Variants in KRTAP22-2 observed in about 807,000 individuals in gnomAD.
The protein encoded by KRTAP22-2 is keratin associated protein 22-2, also known as keratin-associated protein 22-2.
For synonymous variants in KRTAP22-2, 19 were observed against 21.1 expected, an observed-to-expected ratio of 0.90 and a Z score of 0.28; for missense variants, 52 against 51.2, an observed-to-expected ratio of 1.02 and a Z score of -0.05.
Position 30,590,374 on chromosome 21 carries a change from TG to T in KRTAP22-2, c.-1del, listed in dbSNP as rs1979997951. The stretch of plus-strand genomic sequence containing the variant: ...CCATAATAGTTGTGGTAGTAGCACA[TG>T]GTGTCAGAAGATGGAGTTCAATTGA... On this transcript the variant is annotated 5_prime_UTR_variant, in exon 1 of 1. Coordinates refer to ENST00000382830, the MANE Select transcript of KRTAP22-2 (RefSeq NM_001164434.1). 1 of 1,550,814 alleles carries T rather than the reference TG, an allele frequency of 6.4e-7. No individual in the cohort carries two copies. The highest frequency in any genetic ancestry group is 2.0e-5 in the Admixed American group (1 of 50,966).
chr21:30,590,248 T>C lies in KRTAP22-2; in HGVS notation c.127A>G (p.Lys43Glu). 1 of 1,551,156 alleles carries C rather than the reference T, an allele frequency of 6.4e-7. No individual in the cohort carries two copies. The change falls in exon 1 of 1, where the codon AAG becomes GAG. Residue 43 changes from lysine to glutamate, a missense_variant. Physicochemically the swap from Lys to Glu is moderately conservative, Grantham distance 56 (BLOSUM62 1). Transcript: ENST00000382830. ...SYGRFLLAPR[K>E]KF ...AAAGTGATCAGCAATCAGAATTTCTTTCTAGGAGCCAATAGGAATCTTCCA... is the reference window on the plus strand; with the variant it reads ...AAAGTGATCAGCAATCAGAATTTCTCTCTAGGAGCCAATAGGAATCTTCCA...
chr21:30,590,242 A>G lies in KRTAP22-2; in HGVS notation c.133T>C (p.Phe45Leu). The change falls in exon 1 of 1, where the codon TTC (phenylalanine) becomes CTC (leucine). Residue 45 changes from phenylalanine (F) to leucine (L), a missense_variant. By Grantham distance (22) the Phe-to-Leu change is conservative (BLOSUM62 0). Transcript: ENST00000382830. ...TGGCTCAAAGTGATCAGCAATCAGA[A>G]TTTCTTTCTAGGAGCCAATAGGAAT... ...GRFLLAPRKK[F>L] The G allele has an allele frequency of 6.4e-7, 1 of 1,551,082 alleles. No homozygotes were observed. Among genetic ancestry groups the G allele is most frequent in the Non-Finnish European group, 8.7e-7 (1 of 1,146,540 alleles).
At position 30,590,180 on chromosome 21, in the gene KRTAP22-2, A is replaced by G. The variant is rs1420606281; in HGVS notation, c.*57T>C. The G allele has an allele frequency of 6.7e-7, 1 of 1,491,846 alleles. No individual in the cohort carries two copies. Among genetic ancestry groups the G allele is most frequent in the Non-Finnish European group, 9.1e-7 (1 of 1,098,474 alleles). 92.4% of individuals were successfully genotyped at this position (1,491,846 alleles called of 1,614,324 possible). A position where few individuals can be genotyped will look rare whatever the true frequency, so the allele number is the denominator to read the frequency against. ...TGGAGAGACAATAACGAATCCATAA[A>G]TAACCCTGTTGATGCAATTAGTGCA... On this transcript the variant is annotated 3_prime_UTR_variant, in exon 1 of 1. Coordinates refer to ENST00000382830, the MANE Select transcript of KRTAP22-2 (RefSeq NM_001164434.1).
Position 30,590,109 on chromosome 21 carries a change from A to G in KRTAP22-2, c.*128T>C. The G allele has an allele frequency of 5.0e-6, 4 of 800,494 alleles. No individual in the cohort carries two copies. Among genetic ancestry groups the G allele is most frequent in the Non-Finnish European group, 7.5e-6 (4 of 533,682 alleles). 49.6% of individuals were successfully genotyped at this position (800,494 alleles called of 1,614,324 possible). On this transcript the variant is annotated 3_prime_UTR_variant, in exon 1 of 1. Transcript: ENST00000382830. ...ACTGGTAGGAAATTCCACTAATCCA[A>G]TGCAAATATGACCTGTGGTAATCAA... is the stretch of plus-strand genomic sequence containing the variant.
At position 30,590,122 on chromosome 21, in the gene KRTAP22-2, C is replaced by T. The variant is rs1055813834; in HGVS notation, c.*115G>A. ...TCCACTAATCCAATGCAAATATGACCTGTGGTAATCAATAATTAGAGTTAG... is the reference window on the plus strand; with the variant it reads ...TCCACTAATCCAATGCAAATATGACTTGTGGTAATCAATAATTAGAGTTAG... On this transcript the variant is annotated 3_prime_UTR_variant, in exon 1 of 1. Coordinates refer to ENST00000382830, the MANE Select transcript of KRTAP22-2 (RefSeq NM_001164434.1). 3 of 913,728 alleles carry T rather than the reference C, an allele frequency of 3.3e-6. No individual in the cohort carries two copies. In the Admixed American group the frequency reaches 7.8e-5, roughly 24 times the overall value. The allele number at this position is 913,728 out of a possible 1,614,324, so 56.6% of individuals were successfully genotyped here.
Position 30,590,170 on chromosome 21 carries a change from G to T in KRTAP22-2, c.*67C>A. The T allele has an allele frequency of 1.4e-6, 2 of 1,406,944 alleles. No homozygotes were observed. Among genetic ancestry groups the T allele is most frequent in the Non-Finnish European group, 1.9e-6 (2 of 1,027,080 alleles). The allele number at this position is 1,406,944 out of a possible 1,614,324, so 87.2% of individuals were successfully genotyped here. On this transcript the variant is annotated 3_prime_UTR_variant, in exon 1 of 1. Transcript: ENST00000382830. ...TAGTTAAAATTGGAGAGACAATAAC[G>T]AATCCATAAATAACCCTGTTGATGC...
chr21:30,590,327 G>A lies in KRTAP22-2; in HGVS notation c.48C>T (p.Ser16=). The A allele has an allele frequency of 3.2e-6, 5 of 1,551,214 alleles. No individual in the cohort carries two copies. The highest frequency in any genetic ancestry group is 4.4e-6 in the Non-Finnish European group (5 of 1,146,602). Residue 16 remains serine (S), a synonymous_variant, in exon 1 of 1, where the codon AGC becomes AGT. Coordinates refer to ENST00000382830, the MANE Select transcript of KRTAP22-2 (RefSeq NM_001164434.1). ...CAGAGTTACCATATTCAGAGCCATAGCTGCAACCATAGTCCAGGCTACCAT... is the reference window on the plus strand; with the variant it reads ...CAGAGTTACCATATTCAGAGCCATAACTGCAACCATAGTCCAGGCTACCAT... ...NYYGSLDYGC[S]YGSEYGNSGY... is the part of the protein sequence containing the mutation.
At position 30,590,187 on chromosome 21, in the gene KRTAP22-2, T is replaced by G. The variant is rs757402163; in HGVS notation, c.*50A>C. ...ACAATAACGAATCCATAAATAACCCTGTTGATGCAATTAGTGCATCACAAG... is the reference window on the plus strand; with the variant it reads ...ACAATAACGAATCCATAAATAACCCGGTTGATGCAATTAGTGCATCACAAG... On this transcript the variant is annotated 3_prime_UTR_variant, in exon 1 of 1. Transcript: ENST00000382830. 4.6e-6 allele frequency: 7 copies of G among 1,518,300 alleles called. No individual in the cohort carries two copies. Among genetic ancestry groups the G allele is most frequent in the Middle Eastern group, 3.4e-4 (2 of 5,900 alleles). The allele number at this position is 1,518,300 out of a possible 1,614,324, so 94.1% of individuals were successfully genotyped here. A position where few individuals can be genotyped will look rare whatever the true frequency, so the allele number is the denominator to read the frequency against.
chr21:30,590,298 T>C lies in KRTAP22-2; in HGVS notation c.77A>G (p.Tyr26Cys), dbSNP rs900128412. The change falls in exon 1 of 1, where the codon TAT becomes TGT. Residue 26 changes from tyrosine (Y) to cysteine (C), a missense_variant. Tyr to Cys is a radical substitution (Grantham distance 194). Transcript: ENST00000382830. The stretch of plus-strand genomic sequence containing the variant: ...ATAGGAGCACGGAAAGTTGCAGGCA[T>C]ATCCAGAGTTACCATATTCAGAGCC... ...SYGSEYGNSG[Y>C]ACNFPCSYGR... is the part of the protein sequence containing the mutation. 5 of 1,551,184 alleles carry C rather than the reference T, an allele frequency of 3.2e-6. No individual in the cohort carries two copies. The highest frequency in any genetic ancestry group is 4.4e-6 in the Non-Finnish European group (5 of 1,146,592).
At position 30,590,201 on chromosome 21, in the gene KRTAP22-2, G is replaced by A. The variant is rs1433903308; in HGVS notation, c.*36C>T. On this transcript the variant is annotated 3_prime_UTR_variant, in exon 1 of 1. Transcript: ENST00000382830. ...ATAAATAACCCTGTTGATGCAATTA[G>A]TGCATCACAAGAAAATGGCTCAAAG... 6.5e-7 allele frequency: 1 copy of A among 1,535,470 alleles called. No individual in the cohort carries two copies. Among genetic ancestry groups the A allele is most frequent in the East Asian group, 2.5e-5 (1 of 40,752 alleles).
rs779850025 is a variant in KRTAP22-2 at position 30,590,256 on chromosome 21, G to T, written c.119C>A (p.Ala40Asp). ...FPCSYGRFLL[A>D]PRKKF ...CAGCAATCAGAATTTCTTTCTAGGAGCCAATAGGAATCTTCCATAGGAGCA... is the reference window on the plus strand; with the variant it reads ...CAGCAATCAGAATTTCTTTCTAGGATCCAATAGGAATCTTCCATAGGAGCA... Residue 40 changes from alanine (A) to aspartate (D), a missense_variant, in exon 1 of 1, where the codon GCT becomes GAT. Coordinates refer to ENST00000382830, the MANE Select transcript of KRTAP22-2 (RefSeq NM_001164434.1). The T allele has an allele frequency of 1.0e-5, 16 of 1,551,040 alleles. No individual in the cohort carries two copies. Among genetic ancestry groups the T allele is most frequent in the African/African-American group, 9.6e-5 (7 of 73,002 alleles).
Position 30,590,179 on chromosome 21 carries a change from A to T in KRTAP22-2, c.*58T>A. On this transcript the variant is annotated 3_prime_UTR_variant, in exon 1 of 1. Transcript: ENST00000382830. ...TTGGAGAGACAATAACGAATCCATA[A>T]ATAACCCTGTTGATGCAATTAGTGC... 2 of 1,490,034 alleles carry T rather than the reference A, an allele frequency of 1.3e-6. No individual in the cohort carries two copies. Among genetic ancestry groups the T allele is most frequent in the Non-Finnish European group, 1.8e-6 (2 of 1,096,818 alleles). 92.3% of individuals were successfully genotyped at this position (1,490,034 alleles called of 1,614,324 possible).
Position 30,590,215 on chromosome 21 carries a change from A to G in KRTAP22-2, c.*22T>C, listed in dbSNP as rs779330588. 64 of 1,548,964 alleles carry G rather than the reference A, an allele frequency of 4.1e-5. No homozygotes were observed. Among genetic ancestry groups the G allele is most frequent in the Non-Finnish European group, 5.5e-5 (63 of 1,145,346 alleles). On this transcript the variant is annotated 3_prime_UTR_variant, in exon 1 of 1. Coordinates refer to ENST00000382830, the MANE Select transcript of KRTAP22-2 (RefSeq NM_001164434.1). ...TGATGCAATTAGTGCATCACAAGAAAATGGCTCAAAGTGATCAGCAATCAG... is the reference window on the plus strand; with the variant it reads ...TGATGCAATTAGTGCATCACAAGAAGATGGCTCAAAGTGATCAGCAATCAG...
chr21:30,590,181 T>A lies in KRTAP22-2; in HGVS notation c.*56A>T. Reference sequence around the variant, plus strand: ...GGAGAGACAATAACGAATCCATAAATAACCCTGTTGATGCAATTAGTGCAT... The same window carrying A: ...GGAGAGACAATAACGAATCCATAAAAAACCCTGTTGATGCAATTAGTGCAT... On this transcript the variant is annotated 3_prime_UTR_variant, in exon 1 of 1. Coordinates refer to ENST00000382830, the MANE Select transcript of KRTAP22-2 (RefSeq NM_001164434.1). The A allele has an allele frequency of 6.7e-7, 1 of 1,494,458 alleles. No homozygotes were observed. The allele number at this position is 1,494,458 out of a possible 1,614,324, so 92.6% of individuals were successfully genotyped here. A position where few individuals can be genotyped will look rare whatever the true frequency, so the allele number is the denominator to read the frequency against.
In KRTAP22-2 at chr21:30,590,163, C is replaced by A; in HGVS notation, c.*74G>T. ...TTAGAGTTAGTTAAAATTGGAGAGA[C>A]AATAACGAATCCATAAATAACCCTG... On this transcript the variant is annotated 3_prime_UTR_variant, in exon 1 of 1. Transcript: ENST00000382830. 1 of 1,355,662 alleles carries A rather than the reference C, an allele frequency of 7.4e-7. No individual in the cohort carries two copies. The highest frequency in any genetic ancestry group is 2.1e-5 in the Admixed American group (1 of 47,986). The allele number at this position is 1,355,662 out of a possible 1,614,324, so 84.0% of individuals were successfully genotyped here.
rs1231672479 is a variant in KRTAP22-2, at chr21:30,590,264, G to A, written c.111C>T (p.Phe37=). The A allele has an allele frequency of 2.1e-5, 33 of 1,551,184 alleles. No individual in the cohort carries two copies. Among genetic ancestry groups the A allele is most frequent in the Admixed American group, 5.9e-5 (3 of 50,980 alleles). The change falls in exon 1 of 1, where the codon TTC becomes TTT. Residue 37 remains phenylalanine, a synonymous_variant. Coordinates refer to ENST00000382830, the MANE Select transcript of KRTAP22-2 (RefSeq NM_001164434.1). The stretch of plus-strand genomic sequence containing the variant: ...AGAATTTCTTTCTAGGAGCCAATAG[G>A]AATCTTCCATAGGAGCACGGAAAGT... ...ACNFPCSYGR[F]LLAPRKKF
At position 30,590,382 on chromosome 21, in the gene KRTAP22-2, G is replaced by A; in HGVS notation, c.-8C>T. On this transcript the variant is annotated 5_prime_UTR_variant, in exon 1 of 1. Coordinates refer to ENST00000382830, the MANE Select transcript of KRTAP22-2 (RefSeq NM_001164434.1). The stretch of plus-strand genomic sequence containing the variant: ...GTTGTGGTAGTAGCACATGGTGTCA[G>A]AAGATGGAGTTCAATTGAGGCAGAT... 6.4e-7 allele frequency: 1 copy of A among 1,550,504 alleles called. No individual in the cohort carries two copies. The highest frequency in any genetic ancestry group is 8.7e-7 in the Non-Finnish European group (1 of 1,146,210).
rs1979995379 is a variant in KRTAP22-2 at position 30,590,315 on chromosome 21, T to G, written c.60A>C (p.Glu20Asp). 6.4e-7 allele frequency: 1 copy of G among 1,551,274 alleles called. No homozygotes were observed. Among genetic ancestry groups the G allele is most frequent in the South Asian group, 1.2e-5 (1 of 84,056 alleles). ...TGCAGGCATATCCAGAGTTACCATA[T>G]TCAGAGCCATAGCTGCAACCATAGT... Reference protein sequence around the residue: ...SLDYGCSYGSEYGNSGYACNF... With the variant: ...SLDYGCSYGSDYGNSGYACNF... The change falls in exon 1 of 1, where the codon GAA (glutamate) becomes GAC (aspartate). Residue 20 changes from glutamate to aspartate, a missense_variant. Glu to Asp is a conservative substitution (Grantham distance 45). Coordinates refer to ENST00000382830, the MANE Select transcript of KRTAP22-2 (RefSeq NM_001164434.1).
rs1395606884 is a variant in KRTAP22-2, at chr21:30,590,342, C to T, written c.33G>A (p.Leu11=). 2 of 1,551,202 alleles carry T rather than the reference C, an allele frequency of 1.3e-6. No individual in the cohort carries two copies. The highest frequency in any genetic ancestry group is 3.9e-5 in the Admixed American group (2 of 50,980). ...CAGAGCCATAGCTGCAACCATAGTC[C>T]AGGCTACCATAATAGTTGTGGTAGT... MCYYHNYYGS[L]DYGCSYGSEY... Residue 11 remains leucine, a synonymous_variant, in exon 1 of 1, where the codon CTG becomes CTA. Coordinates refer to ENST00000382830, the MANE Select transcript of KRTAP22-2 (RefSeq NM_001164434.1).
Sources: allele counts gnomAD v4.1 joint callset, GRCh38; gene constraint gnomAD v4.1.1; transcripts MANE v1.5; gene names NCBI Gene and HGNC (gene_info 2026-07-23, HGNC 2026-07-21).